The following HECTD4 variants were observed in gnomAD, a reference collection of about 807,000 sequenced individuals.
HECTD4 encodes the protein probable E3 ubiquitin-protein ligase HECTD4.
Under a neutral mutation model 471.5 loss-of-function variants are expected in HECTD4, and 114 were observed. That is an observed-to-expected ratio of 0.24 (90% CI 0.21 to 0.28). The LOEUF (loss-of-function observed/expected upper bound fraction) is 0.28, where lower values mean the gene tolerates loss of function less well. Ranked by LOEUF, HECTD4 falls within the 10% of genes least tolerant of loss-of-function variation. The probability of loss-of-function intolerance (pLI) is 1.00; values close to 1 mark genes in which losing one functional copy is unlikely to be tolerated. For synonymous variants in HECTD4, 2,012 were observed against 2,256.0 expected, an observed-to-expected ratio of 0.89 and a Z score of 3.07; for missense variants, 3,866 against 5,651.5, an observed-to-expected ratio of 0.68 and a Z score of 10.13.
chr12:112,367,307 AAAGAAAG>A (rs1371872522), intron 1 of HECTD4, among the ~76,000 whole-genome samples: 464 of 10,678 alleles, frequency 0.043, 3 homozygotes, highest in African/African-American at 0.076. Context: ...TCAAAAAAAA[AAAGAAAG>A]AAAGAAAGAA....
chr12:112,205,440 T>C (rs1462684847), intron 52 of HECTD4, among the ~76,000 whole-genome samples: 1 of 151,938 alleles, frequency 6.6e-6, no homozygotes, highest in South Asian at 2.1e-4. Context: ...TGTTGGTAGA[T>C]AGCAAAAAAG....
At chr12:112,255,163 AG>A (rs1366961606) in intron 21 of HECTD4, among the ~76,000 whole-genome samples, 1 of 151,932 alleles carries the variant, frequency 6.6e-6, no homozygotes. Flanking sequence ...TGCAAAATAC[AG>A]TTTTTAAAGG....
intron 1 of HECTD4, among the ~76,000 whole-genome samples, chr12:112,352,590 C>G (rs926590886): frequency 6.6e-6 from 1 of 151,738 alleles, no homozygotes; most frequent in Non-Finnish European, 1.5e-5. Context: ...CCCACCTCAG[C>G]CTCCCAAAGA....
intron 1 of HECTD4, among the ~76,000 whole-genome samples, chr12:112,339,453 CA>C (rs1045734554): frequency 6.6e-6 from 1 of 151,686 alleles, no homozygotes; most frequent in Admixed American, 6.6e-5. Context: ...AAAAGAAAAA[CA>C]AAATTCAGAA....
chr12:112,272,849 C>T lies in HECTD4; in HGVS notation c.1942+806G>A, dbSNP rs958990273. 3.9e-5 allele frequency among the ~76,000 whole-genome samples: 6 copies of T among 152,178 alleles called. No homozygotes were observed. In the South Asian group the frequency reaches 1.0e-3, roughly 26 times the overall value. On this transcript the variant is annotated intron_variant, in intron 11 of 75. Transcript: ENST00000682272. ...CATGAGGTTTTTCCACGCTCTGCTC[C>T]CTATCAAGTCAGCCCCCTCTGGCAG... is the stretch of plus-strand genomic sequence containing the variant.
At chr12:112,167,207 G>A in intron 72 of HECTD4, 110 bp downstream of exon 72, 1 of 952,862 alleles carries the variant, frequency 1.0e-6, no homozygotes, top group Non-Finnish European at 1.6e-6. Flanking sequence ...GGTCCTCTGT[G>A]GGATCCCAAC....
chr12:112,381,889 G>T lies in HECTD4; in HGVS notation c.177+63C>A. ...CGCGGCTGAGGCGAGGAGGGGGCCC[G>T]ACCCGGGGGTGCCGGGCGAGTGGGT... On this transcript the variant is annotated intron_variant, in intron 1 of 75. Transcript: ENST00000682272. The surrounding 1 kb of genome is among the most constrained non-coding windows in gnomAD (Gnocchi z 4.1). The T allele has an allele frequency of 8.6e-7, 1 of 1,156,316 alleles. No individual in the cohort carries two copies. The highest frequency in any genetic ancestry group is 4.4e-5 in the South Asian group (1 of 22,964). 71.6% of individuals were successfully genotyped at this position (1,156,316 alleles called of 1,614,324 possible). A position where few individuals can be genotyped will look rare whatever the true frequency, so the allele number is the denominator to read the frequency against.
In HECTD4 at chr12:112,184,307, CCCCAGGCTGCCCAGGCTG is replaced by C; in HGVS notation, c.10641_10658del (p.Ser3548_Gly3553del). On this transcript the variant is annotated inframe_deletion, in exon 61 of 76. Transcript: ENST00000682272. The surrounding 1 kb of genome is among the most constrained non-coding windows in gnomAD (Gnocchi z 9.1). ...CCGTCTCTGCATTGTCCAGGGGCTC[CCCCAGGCTGCCCAGGCTG>C]CCCAGGCTGCCGGTGCTGCACAGGG... is the stretch of plus-strand genomic sequence containing the variant. The C allele has an allele frequency of 1.9e-6, 3 of 1,613,450 alleles. No homozygotes were observed. Among genetic ancestry groups the C allele is most frequent in the Non-Finnish European group, 2.5e-6 (3 of 1,179,872 alleles).
rs372049423 is a variant in HECTD4 at position 112,184,208 on chromosome 12, G to A, written c.10758C>T (p.Ile3586=). 2 of 1,611,984 alleles carry A rather than the reference G, an allele frequency of 1.2e-6. No individual in the cohort carries two copies. Among genetic ancestry groups the A allele is most frequent in the African/African-American group, 1.3e-5 (1 of 75,060 alleles). The change falls in exon 61 of 76, where the codon ATC becomes ATT. Residue 3586 remains isoleucine, a synonymous_variant. Coordinates refer to ENST00000682272, the MANE Select transcript of HECTD4 (RefSeq NM_001388303.1). The surrounding 1 kb of genome is among the most constrained non-coding windows in gnomAD (Gnocchi z 9.1). ...TTACCTCCACGACTGCGAAGCCTTTGATGGGGCGGGCGGCGAGGGGCTGGT... is the reference window on the plus strand; with the variant it reads ...TTACCTCCACGACTGCGAAGCCTTTAATGGGGCGGGCGGCGAGGGGCTGGT... ...LDNQPLAARP[I]KGFAVVEIRS...
Position 112,229,870 on chromosome 12 carries a change from C to A in HECTD4, c.6347G>T (p.Arg2116Ile). The change falls in exon 41 of 76, where the codon AGA becomes ATA. Residue 2116 changes from arginine to isoleucine, a missense_variant. Coordinates refer to ENST00000682272, the MANE Select transcript of HECTD4 (RefSeq NM_001388303.1). ...WTTTAEKVLS[R>I]ALMYIPQLGK... Reference sequence around the variant, plus strand: ...CAATTGTGGAATGTACATCAGTGCTCTAGACAGAACCTAAATATAGAAGCA... The same window carrying A: ...CAATTGTGGAATGTACATCAGTGCTATAGACAGAACCTAAATATAGAAGCA... The A allele has an allele frequency of 6.2e-7, 1 of 1,613,180 alleles. No individual in the cohort carries two copies. The highest frequency in any genetic ancestry group is 1.1e-5 in the South Asian group (1 of 90,970).
Position 112,184,115 on chromosome 12 carries a change from G to T in HECTD4, c.10779+72C>A, listed in dbSNP as rs2031771543. 2 of 1,398,362 alleles carry T rather than the reference G, an allele frequency of 1.4e-6. No individual in the cohort carries two copies. Among genetic ancestry groups the T allele is most frequent in the East Asian group, 2.3e-5 (1 of 43,444 alleles). 86.6% of individuals were successfully genotyped at this position (1,398,362 alleles called of 1,614,324 possible). On this transcript the variant is annotated intron_variant, in intron 61 of 75. Coordinates refer to ENST00000682272, the MANE Select transcript of HECTD4 (RefSeq NM_001388303.1). The surrounding 1 kb of genome is among the most constrained non-coding windows in gnomAD (Gnocchi z 9.1). ...CATTACCTACTAGGAAATAACTTTGGAAGATTTAAAGAGGCTTGGGGGATT... is the reference window on the plus strand; with the variant it reads ...CATTACCTACTAGGAAATAACTTTGTAAGATTTAAAGAGGCTTGGGGGATT...
rs1419356198 is a variant in HECTD4, at chr12:112,327,124, G to A, written c.178-7382C>T. 5.3e-5 allele frequency among the ~76,000 whole-genome samples: 8 copies of A among 152,030 alleles called. 1 individual carries two copies. ...GGGCAGATCATGAGGTCAAGAGTTC[G>A]AGACCAGCCTGGTGAAACCCCGTCT... On this transcript the variant is annotated intron_variant, in intron 1 of 75. Transcript: ENST00000682272.
At position 112,162,658 on chromosome 12, in the gene HECTD4, G is replaced by C; in HGVS notation, c.13121-135C>G. On this transcript the variant is annotated intron_variant, in intron 75 of 75. Transcript: ENST00000682272. This position sits in a 1 kb window ranked among gnomAD's most constrained non-coding sequence, Gnocchi z 5.2. Reference sequence around the variant, plus strand: ...CAATCCTGGGGCCCAGCAGGAGGGGGATGAGGGCCTGGGAACCTGCGAGAT... The same window carrying C: ...CAATCCTGGGGCCCAGCAGGAGGGGCATGAGGGCCTGGGAACCTGCGAGAT... 9.8e-7 allele frequency: 1 copy of C among 1,025,254 alleles called. No individual in the cohort carries two copies. The highest frequency in any genetic ancestry group is 1.4e-6 in the Non-Finnish European group (1 of 698,988). The allele number at this position is 1,025,254 out of a possible 1,614,324, so 63.5% of individuals were successfully genotyped here.
At chr12:112,225,664 T>C (rs1438821331) in intron 44 of HECTD4, among the ~76,000 whole-genome samples, 1 of 139,448 alleles carries the variant, frequency 7.2e-6, no homozygotes, top group Non-Finnish European at 1.6e-5. Flanking sequence ...TATTTTAAAA[T>C]AGATTAAAAA....
chr12:112,371,690 C>T (rs1054740388), intron 1 of HECTD4, among the ~76,000 whole-genome samples: 3 of 151,898 alleles, frequency 2.0e-5, no homozygotes, highest in Admixed American at 6.6e-5. Context: ...AGTTCGAGAC[C>T]AGCCTGACCA....
intron 40 of HECTD4, among the ~76,000 whole-genome samples, chr12:112,230,471 C>G (rs538694185): frequency 6.6e-6 from 1 of 152,306 alleles, no homozygotes; most frequent in South Asian, 2.1e-4. Flanking sequence ...GAATACTGTC[C>G]TATCGTCTGC....
Position 112,230,838 on chromosome 12 carries a change from G to A in HECTD4, c.6201-16C>T, listed in dbSNP as rs778968932. On this transcript the variant is annotated splice_polypyrimidine_tract_variant and intron_variant, in intron 39 of 75. Transcript: ENST00000682272. ...AGGATCAGTCCTGCAAGTGTCAACA[G>A]GAAAAAGTGTCAGTGCCCAGTGATG... 3.1e-6 allele frequency: 5 copies of A among 1,603,992 alleles called. No homozygotes were observed. Among genetic ancestry groups the A allele is most frequent in the Non-Finnish European group, 3.4e-6 (4 of 1,175,016 alleles).
Position 112,217,164 on chromosome 12 carries a change from A to C in HECTD4, c.7106T>G (p.Val2369Gly). ...CATGCAGGCTCGAACAGGCGGAAAC[A>C]CTCGCGAGGGGCTCCAAGTAATCTC... ...PKEITWSPSR[V>G]FPPVRACMFS... The change falls in exon 46 of 76, where the codon GTG becomes GGG. Residue 2369 changes from valine to glycine, a missense_variant. Physicochemically the swap from Val to Gly is moderately radical, Grantham distance 109. Coordinates refer to ENST00000682272, the MANE Select transcript of HECTD4 (RefSeq NM_001388303.1). 1 of 1,536,836 alleles carries C rather than the reference A, an allele frequency of 6.5e-7. No homozygotes were observed. Among genetic ancestry groups the C allele is most frequent in the Non-Finnish European group, 8.8e-7 (1 of 1,142,180 alleles).
Position 112,237,117 on chromosome 12 carries a change from A to T in HECTD4, c.5291-19T>A, listed in dbSNP as rs147682162. ...GAGCCACCTTCACAGTTAAAGAAAG[A>T]AAAAAAGAGATTGGTGAAAACTTAA... On this transcript the variant is annotated intron_variant, in intron 34 of 75. Transcript: ENST00000682272. 1 of 1,531,542 alleles carries T rather than the reference A, an allele frequency of 6.5e-7. No homozygotes were observed. The highest frequency in any genetic ancestry group is 8.8e-7 in the Non-Finnish European group (1 of 1,137,212). The allele number at this position is 1,531,542 out of a possible 1,614,324, so 94.9% of individuals were successfully genotyped here. A position where few individuals can be genotyped will look rare whatever the true frequency, so the allele number is the denominator to read the frequency against.
Sources: gnomAD v4.1 joint callset for allele counts (sites outside exome capture counted in the v4.1 genomes callset) on GRCh38, gnomAD v4.1.1 for gene constraint, Gnocchi (gnomAD v3.1) non-coding constraint, MANE v1.5 for transcripts, NCBI Gene and HGNC (gene_info 2026-07-23, HGNC 2026-07-21) for gene names.